The following DACH2 variants were observed in gnomAD, a reference collection of about 807,000 sequenced individuals.
DACH2 encodes dachshund homolog 2.
DACH2 carries 17 observed loss-of-function variants against 35.8 expected under a neutral mutation model. The ratio of observed to expected loss-of-function variants is 0.48; its 90% CI spans 0.33 to 0.71. DACH2 has a LOEUF of 0.71. Among genes scored for constraint, DACH2 ranks in the 30% least tolerant of loss-of-function variants. The probability of loss-of-function intolerance (pLI) is 0.02; values close to 1 mark genes in which losing one functional copy is unlikely to be tolerated. For synonymous variants in DACH2, 195 were observed against 177.3 expected (o/e 1.10, Z -0.79); for missense variants, 469 against 472.7 (o/e 0.99, Z 0.07).
chrX:86,665,551 G>T (rs993226276), intron 4 of DACH2, among the ~76,000 whole-genome samples: 7 of 111,754 alleles, frequency 6.3e-5, no homozygotes, highest in Non-Finnish European at 1.1e-4. Context: ...GTGTTTAATT[G>T]TTGCTAAGCC....
chrX:86,804,435 A>C (rs752246107), intron 7 of DACH2, among the ~76,000 whole-genome samples: 1 of 111,704 alleles, frequency 9.0e-6, no homozygotes, highest in Admixed American at 9.5e-5. Flanking sequence ...TGGGGATGAC[A>C]GTTTGACATG....
chrX:86,498,643 T>G (rs2038206710), intron 2 of DACH2, among the ~76,000 whole-genome samples: 1 of 112,563 alleles, frequency 8.9e-6, no homozygotes, highest in South Asian at 3.6e-4. Flanking sequence ...ACTTTATGTT[T>G]TTACTTTGAA....
At chrX:86,817,756 C>T (rs1008318069) in intron 11 of DACH2, among the ~76,000 whole-genome samples, 6 of 111,554 alleles carry the variant, frequency 5.4e-5, no homozygotes, top group South Asian at 7.4e-4. Context: ...ATATTTTATT[C>T]GTGGGCAATT....
rs1342710814 is a variant in DACH2, at chrX:86,670,581, A to G, written c.772+19414A>G. Among the ~76,000 whole-genome samples, 5 of 111,752 alleles carry G rather than the reference A, an allele frequency of 4.5e-5. No homozygotes were observed. The East Asian group carries it at 1.4e-3, about 32-fold the overall frequency. Reference sequence around the variant, plus strand: ...TGTTCCCAACCTAAGCTTGATCCCTATAATGGCCCTACATCTTAGGGATGA... The same window carrying G: ...TGTTCCCAACCTAAGCTTGATCCCTGTAATGGCCCTACATCTTAGGGATGA... On this transcript the variant is annotated intron_variant, in intron 4 of 11. Transcript: ENST00000373125.
At chrX:86,645,813 T>C (rs1480355131) in intron 3 of DACH2, among the ~76,000 whole-genome samples, 2 of 110,959 alleles carry the variant, frequency 1.8e-5, no homozygotes, top group African/African-American at 6.5e-5. Context: ...GAAAACCAAA[T>C]ACTGCATGTT....
intron 1 of DACH2, among the ~76,000 whole-genome samples, chrX:86,242,152 A>G (rs2033178980): frequency 8.9e-6 from 1 of 112,271 alleles, no homozygotes; most frequent in South Asian, 3.7e-4. Flanking sequence ...CCAGAATTGT[A>G]GGTCCACTGA....
chrX:86,425,205 A>G (rs1217589604), intron 2 of DACH2, among the ~76,000 whole-genome samples: 1 of 110,433 alleles, frequency 9.1e-6, no homozygotes, highest in Non-Finnish European at 1.9e-5. Context: ...ATGAGTTTGG[A>G]AGTATTCCTT....
chrX:86,397,298 G>A (rs141357936), intron 2 of DACH2, among the ~76,000 whole-genome samples: 9,694 of 111,062 alleles, frequency 0.087, 1,070 homozygotes, highest in African/African-American at 0.3. Context: ...GGGCTGAGAC[G>A]ATGGGGTTTT....
intron 1 of DACH2, among the ~76,000 whole-genome samples, chrX:86,326,215 G>A (rs995959043): frequency 1.4e-4 from 16 of 110,587 alleles, no homozygotes; most frequent in Non-Finnish European, 3.8e-5. Flanking sequence ...GGTGGCTCAC[G>A]CCTGTGATCC....
chrX:86,196,338 A>G (rs1221585064), intron 1 of DACH2, among the ~76,000 whole-genome samples: 1 of 111,317 alleles, frequency 9.0e-6, no homozygotes, highest in African/African-American at 3.3e-5. Flanking sequence ...AGAATCTCAG[A>G]GCTATAAGAT....
chrX:86,661,751 G>T lies in DACH2; in HGVS notation c.772+10584G>T, dbSNP rs372825219. ...ATAACTCTGTTGTTAACACTTTGAA[G>T]AAATGTCAAACATTTTACATTTCCA... On this transcript the variant is annotated intron_variant, in intron 4 of 11. Coordinates refer to ENST00000373125, the MANE Select transcript of DACH2 (RefSeq NM_053281.3). Among the ~76,000 whole-genome samples the T allele has an allele frequency of 1.2e-4, 13 of 111,901 alleles. No individual in the cohort carries two copies. In the East Asian group the frequency reaches 2.8e-3, roughly 24 times the overall value.
At chrX:86,577,840 C>T (rs767983224) in intron 3 of DACH2, among the ~76,000 whole-genome samples, 2 of 111,404 alleles carry the variant, frequency 1.8e-5, no homozygotes, top group Admixed American at 9.6e-5. Context: ...GTAGAGCTTT[C>T]GGATTGTTGA....
At position 86,816,067 on chromosome X, in the gene DACH2, A is replaced by G. The variant is rs1270968002; in HGVS notation, c.1718A>G (p.Asn573Ser). ...TGIPDIEIEN[N>S]GTPHDSAAMQ... is the part of the protein sequence containing the mutation. ...ATTCCAGATATTGAAATAGAAAACAATGGGACTCCTCATGATAGTGCTGCT... is the reference window on the plus strand; with the variant it reads ...ATTCCAGATATTGAAATAGAAAACAGTGGGACTCCTCATGATAGTGCTGCT... The change falls in exon 11 of 12, where the codon AAT becomes AGT. Residue 573 changes from asparagine (N) to serine (S), a missense_variant. This residue lies in a region of DACH2 where 363 missense variants were observed against 334.4 expected (regional missense o/e 1.09). Coordinates refer to ENST00000373125, the MANE Select transcript of DACH2 (RefSeq NM_053281.3). 1.7e-6 allele frequency: 2 copies of G among 1,190,109 alleles called. No homozygotes were observed. Among genetic ancestry groups the G allele is most frequent in the Non-Finnish European group, 2.3e-6 (2 of 884,744 alleles).
At chrX:86,779,282 A>T (rs1249282737) in intron 7 of DACH2, among the ~76,000 whole-genome samples, 1 of 111,534 alleles carries the variant, frequency 9.0e-6, no homozygotes, top group East Asian at 2.8e-4. Context: ...TAGATGAGGG[A>T]GCTAACCATG....
intron 1 of DACH2, among the ~76,000 whole-genome samples, chrX:86,320,099 C>T (rs1190306294): frequency 9.0e-6 from 1 of 111,353 alleles, no homozygotes; most frequent in Non-Finnish European, 1.9e-5. Flanking sequence ...GGATTTGTGG[C>T]AACTTTTCTG....
chrX:86,459,865 T>C (rs1275903665), intron 2 of DACH2, among the ~76,000 whole-genome samples: 2 of 33,050 alleles, frequency 6.1e-5, no homozygotes, highest in Admixed American at 4.6e-4. Flanking sequence ...TGACTTTTTA[T>C]AGGATTATGA....
chrX:86,169,697 A>G (rs1304422575), intron 1 of DACH2, among the ~76,000 whole-genome samples: 3 of 110,083 alleles, frequency 2.7e-5, no homozygotes, highest in Admixed American at 9.7e-5. Context: ...ATTATTTTCA[A>G]TTGTTTTAAT....
intron 7 of DACH2, among the ~76,000 whole-genome samples, chrX:86,810,370 T>C: frequency 8.9e-6 from 1 of 111,974 alleles, no homozygotes; most frequent in South Asian, 3.7e-4. Flanking sequence ...TTAAGAACTC[T>C]CTCCTTGACA....
intron 2 of DACH2, among the ~76,000 whole-genome samples, chrX:86,388,990 G>A (rs1431583010): frequency 2.7e-5 from 3 of 110,901 alleles, no homozygotes; most frequent in Non-Finnish European, 5.7e-5. Flanking sequence ...TATGTGTTTC[G>A]GTGAGAAAGG....
Sources: allele counts gnomAD v4.1 joint callset (sites outside exome capture counted in the v4.1 genomes callset), GRCh38; gene constraint gnomAD v4.1.1; regional missense constraint gnomAD v4.1.1; transcripts MANE v1.5; gene names NCBI Gene and HGNC (gene_info 2026-07-23, HGNC 2026-07-21).